NRXN3: variants seen among roughly 807,000 people sequenced by gnomAD.
NRXN3 encodes neurexin 3.
A neutral mutation model predicts 137.6 loss-of-function variants in NRXN3; 32 were observed. That is an observed-to-expected ratio of 0.23 (90% confidence interval 0.18 to 0.31). NRXN3 has a LOEUF of 0.31. NRXN3 is among the 10% of genes least tolerant of loss of function. The pLI, the probability that NRXN3 is intolerant of heterozygous loss-of-function variation, is 1.00. For synonymous variants in NRXN3, 798 were observed against 784.5 expected, an observed-to-expected ratio of 1.02 and a Z score of -0.29; for missense variants, 1,574 against 2,062.5, an observed-to-expected ratio of 0.76 and a Z score of 4.59.
intron 8 of NRXN3, among the ~76,000 whole-genome samples, chr14:78,798,711 C>T (rs534115335): frequency 6.6e-6 from 1 of 152,370 alleles, no homozygotes; most frequent in Non-Finnish European, 1.5e-5. Context: ...TCTGCCTAGA[C>T]ATCCAGGCAT....
At chr14:79,760,378 T>C (rs2099034203) in intron 19 of NRXN3, among the ~76,000 whole-genome samples, 1 of 151,062 alleles carries the variant, frequency 6.6e-6, no homozygotes, top group South Asian at 2.1e-4. Context: ...ATAATTCTTA[T>C]TTCTAATTCA....
intron 15 of NRXN3, among the ~76,000 whole-genome samples, chr14:79,229,933 G>A (rs546417346): frequency 1.8e-4 from 28 of 152,200 alleles, no homozygotes; most frequent in African/African-American, 6.5e-4. Flanking sequence ...TCTCCCAGGA[G>A]CTCTCTGAGA....
rs1491219241 is a variant in NRXN3 at position 78,236,738 on chromosome 14, CCT to C, written c.-703-5652_-703-5651del. On this transcript the variant is annotated intron_variant, in intron 1 of 20. Transcript: ENST00000335750. Reference sequence around the variant, plus strand: ...ATGAGATAGGTATTATTCCCCCCCCCCTTTTTTTTGATGAAGAAAGACTCAAG... The same window carrying C: ...ATGAGATAGGTATTATTCCCCCCCCCTTTTTTTGATGAAGAAAGACTCAAG... 7.7e-3 allele frequency among the ~76,000 whole-genome samples: 1,135 copies of C among 146,712 alleles called. 19 individuals are homozygous for C. The highest frequency in any genetic ancestry group is 0.026 in the African/African-American group (1,068 of 40,650).
chr14:79,839,982 T>A (rs905933253), intron 20 of NRXN3, among the ~76,000 whole-genome samples: 1 of 147,354 alleles, frequency 6.8e-6, no homozygotes, highest in Non-Finnish European at 1.5e-5. Context: ...TATGTATGTA[T>A]GTATGTATGT....
intron 4 of NRXN3, among the ~76,000 whole-genome samples, chr14:78,600,709 G>A (rs554740682): frequency 6.6e-6 from 1 of 152,050 alleles, no homozygotes; most frequent in African/African-American, 2.4e-5. Flanking sequence ...CACCCTCCAG[G>A]GCTCTGGACA....
intron 15 of NRXN3, among the ~76,000 whole-genome samples, chr14:79,148,700 T>C (rs2059529866): frequency 6.6e-6 from 1 of 152,156 alleles, no homozygotes; most frequent in African/African-American, 2.4e-5. Flanking sequence ...CTCAGTTCTT[T>C]CCCTAGATTG....
intron 15 of NRXN3, among the ~76,000 whole-genome samples, chr14:79,422,119 GT>G: frequency 6.6e-6 from 1 of 152,300 alleles, no homozygotes; most frequent in South Asian, 2.1e-4. Flanking sequence ...GAATGCAGTA[GT>G]GTGAGCATGG....
chr14:79,342,768 T>TA (rs2092676806), intron 15 of NRXN3, among the ~76,000 whole-genome samples: 1 of 152,148 alleles, frequency 6.6e-6, no homozygotes, highest in Non-Finnish European at 1.5e-5. Context: ...CACTGACATG[T>TA]AACTGTAACC....
At chr14:78,820,440 A>AAT (rs1261295862) in intron 10 of NRXN3, among the ~76,000 whole-genome samples, 2 of 150,430 alleles carry the variant, frequency 1.3e-5, no homozygotes, top group Non-Finnish European at 3.0e-5. Context: ...AAAAAAAAAA[A>AAT]AAAAAATGGA....
At chr14:78,849,066 T>C (rs959932364) in intron 10 of NRXN3, among the ~76,000 whole-genome samples, 1 of 152,030 alleles carries the variant, frequency 6.6e-6, no homozygotes, top group African/African-American at 2.4e-5. Flanking sequence ...TTTAAAGTGG[T>C]TTAATATCAA....
intron 15 of NRXN3, among the ~76,000 whole-genome samples, chr14:78,997,126 C>T (rs1380482830): frequency 6.6e-6 from 1 of 152,150 alleles, no homozygotes; most frequent in Non-Finnish European, 1.5e-5. Context: ...CTTTGTTTTT[C>T]ACAACCCTCC....
rs537891838 is a variant in NRXN3, at chr14:79,509,523, T to A, written c.3444+42121T>A. Among the ~76,000 whole-genome samples the A allele has an allele frequency of 2.3e-3, 310 of 133,414 alleles. 2 individuals are homozygous for A. The highest frequency in any genetic ancestry group is 8.1e-3 in the African/African-American group (275 of 33,946). 87.5% of individuals were successfully genotyped at this position (133,414 alleles called of 152,430 possible). On this transcript the variant is annotated intron_variant, in intron 16 of 20. Transcript: ENST00000335750. ...AGAGGAAGGCTCTGTCTCAAAAAAATATATATATATTATATATATGTGTGT... is the reference window on the plus strand; with the variant it reads ...AGAGGAAGGCTCTGTCTCAAAAAAAAATATATATATTATATATATGTGTGT...
chr14:79,679,169 G>A (rs373668644), intron 17 of NRXN3, among the ~76,000 whole-genome samples: 1 of 150,760 alleles, frequency 6.6e-6, no homozygotes, highest in East Asian at 2.0e-4. Flanking sequence ...GCTATTTCTT[G>A]TTGCAAGGTG....
intron 2 of NRXN3, among the ~76,000 whole-genome samples, chr14:78,263,952 C>A (rs73310347): frequency 2.2e-5 from 3 of 138,464 alleles, no homozygotes; most frequent in Non-Finnish European, 4.6e-5. Flanking sequence ...AATTTTTTTC[C>A]GGGTCAGTTT....
intron 15 of NRXN3, among the ~76,000 whole-genome samples, chr14:79,415,107 T>C (rs1455384261): frequency 6.6e-6 from 1 of 152,164 alleles, no homozygotes; most frequent in African/African-American, 2.4e-5. Flanking sequence ...CATATCTCTC[T>C]CACACATTTT....
At chr14:79,685,571 TTTGAAGTTGC>T (rs1254856448) in intron 17 of NRXN3, among the ~76,000 whole-genome samples, 3 of 152,168 alleles carry the variant, frequency 2.0e-5, no homozygotes, top group Non-Finnish European at 4.4e-5. Context: ...GAAAGTTTCA[TTTGAAGTTGC>T]TTGAAAATAT....
intron 19 of NRXN3, among the ~76,000 whole-genome samples, chr14:79,796,703 G>T (rs1209977070): frequency 6.6e-6 from 1 of 152,118 alleles, no homozygotes; most frequent in African/African-American, 2.4e-5. Flanking sequence ...TAATTCATTA[G>T]CAAAAGTTAT....
At chr14:79,671,034 C>T (rs1156277490) in intron 17 of NRXN3, among the ~76,000 whole-genome samples, 6 of 152,126 alleles carry the variant, frequency 3.9e-5, no homozygotes, top group South Asian at 2.1e-4. Flanking sequence ...TGCCATTCAC[C>T]GTCTCTCAGC....
chr14:79,058,545 C>T (rs1021142713), intron 15 of NRXN3, among the ~76,000 whole-genome samples: 4 of 152,084 alleles, frequency 2.6e-5, no homozygotes. Context: ...AGGACTTTGA[C>T]CTGAGTGAAC....
Sources: gnomAD v4.1 joint callset for allele counts (sites outside exome capture counted in the v4.1 genomes callset) on GRCh38, gnomAD v4.1.1 for gene constraint, MANE v1.5 for transcripts, NCBI Gene and HGNC (gene_info 2026-07-23, HGNC 2026-07-21) for gene names.